The following CNTNAP2 variants were observed in gnomAD, a reference collection of about 807,000 sequenced individuals.
CNTNAP2 encodes the protein contactin associated protein 2, also known as contactin-associated protein-like 2.
Under a neutral mutation model 155.2 loss-of-function variants are expected in CNTNAP2, and 98 were observed. The observed-to-expected ratio is 0.63, with a 90% CI of 0.54 to 0.75. The LOEUF is 0.75. CNTNAP2 is among the 30% of genes least tolerant of loss of function. The pLI, the probability that CNTNAP2 is intolerant of heterozygous loss-of-function variation, is 0.00. For missense variants in CNTNAP2, 1,727 were observed against 1,688.1 expected, an observed-to-expected ratio of 1.02 and a Z score of -0.40; for synonymous variants, 651 against 631.2, an observed-to-expected ratio of 1.03 and a Z score of -0.47.
At chr7:147,225,885 AGG>A (rs1803524860) in intron 8 of CNTNAP2, among the ~76,000 whole-genome samples, 1 of 127,240 alleles carries the variant, frequency 7.9e-6, no homozygotes, top group Non-Finnish European at 1.8e-5. Context: ...GAAAGAAGGA[AGG>A]AAGGAAGGAA....
intron 12 of CNTNAP2, among the ~76,000 whole-genome samples, chr7:147,634,404 A>G (rs1051659582): frequency 2.6e-5 from 4 of 152,304 alleles, no homozygotes; most frequent in Admixed American, 2.0e-4. Context: ...CTAATCTATG[A>G]AGACATAAAA....
chr7:146,429,322 G>A (rs1467405610), intron 1 of CNTNAP2, among the ~76,000 whole-genome samples: 1 of 152,000 alleles, frequency 6.6e-6, no homozygotes, highest in Non-Finnish European at 1.5e-5. Context: ...ATTACTTTGG[G>A]CAGTATGGAC....
Position 146,229,285 on chromosome 7 carries a change from T to C in CNTNAP2, c.97+112312T>C, listed in dbSNP as rs1188459309. Reference sequence around the variant, plus strand: ...CACTAAGAACATTCTGTTTCAGTGGTATACAAACTTGTTTGTCCTTTTAAG... The same window carrying C: ...CACTAAGAACATTCTGTTTCAGTGGCATACAAACTTGTTTGTCCTTTTAAG... On this transcript the variant is annotated intron_variant, in intron 1 of 23. Transcript: ENST00000361727. 2.0e-5 allele frequency among the ~76,000 whole-genome samples: 3 copies of C among 152,316 alleles called. No homozygotes were observed. In the South Asian group the frequency reaches 6.2e-4, roughly 32 times the overall value.
intron 13 of CNTNAP2, among the ~76,000 whole-genome samples, chr7:147,789,204 G>A (rs1205737914): frequency 2.6e-5 from 4 of 152,208 alleles, no homozygotes; most frequent in Admixed American, 1.3e-4. Flanking sequence ...ACCACGCCCG[G>A]CCCAATAGAG....
chr7:147,873,741 A>G (rs953239706), intron 13 of CNTNAP2, among the ~76,000 whole-genome samples: 1 of 152,190 alleles, frequency 6.6e-6, no homozygotes, highest in Non-Finnish European at 1.5e-5. Flanking sequence ...AGCTCATTCC[A>G]GCATTAACTC....
At chr7:147,272,749 C>T (rs779943242) in intron 8 of CNTNAP2, among the ~76,000 whole-genome samples, 8 of 151,068 alleles carry the variant, frequency 5.3e-5, no homozygotes, top group Non-Finnish European at 8.9e-5. Context: ...CATCATGATC[C>T]ACCCGCCTTG....
intron 13 of CNTNAP2, among the ~76,000 whole-genome samples, chr7:147,873,137 T>G (rs959894400): frequency 6.6e-6 from 1 of 152,196 alleles, no homozygotes; most frequent in Non-Finnish European, 1.5e-5. Context: ...ACGCTCCAGC[T>G]TGGGATCAAG....
chr7:146,319,666 T>A (rs1800967302), intron 1 of CNTNAP2, among the ~76,000 whole-genome samples: 1 of 152,340 alleles, frequency 6.6e-6, no homozygotes, highest in East Asian at 1.9e-4. Context: ...CAAACATGAA[T>A]TGATTATTCT....
chr7:147,396,944 CA>C (rs1380847541), intron 10 of CNTNAP2, among the ~76,000 whole-genome samples: 2 of 151,868 alleles, frequency 1.3e-5, no homozygotes, highest in Admixed American at 1.3e-4. Context: ...GTATTTTATT[CA>C]AGAGGAAATA....
chr7:147,192,387 T>C (rs1435300650), intron 8 of CNTNAP2, among the ~76,000 whole-genome samples: 2 of 152,182 alleles, frequency 1.3e-5, no homozygotes, highest in Admixed American at 1.3e-4. Flanking sequence ...CCAAGGACTA[T>C]ACCCTCTTTC....
intron 16 of CNTNAP2, among the ~76,000 whole-genome samples, chr7:148,134,736 T>C (rs1804902510): frequency 1.3e-5 from 2 of 152,234 alleles, no homozygotes; most frequent in South Asian, 4.1e-4. Flanking sequence ...CACCAATCTT[T>C]GCCAGAGAAA....
At chr7:148,320,191 G>A (rs927961062) in intron 21 of CNTNAP2, among the ~76,000 whole-genome samples, 1 of 151,976 alleles carries the variant, frequency 6.6e-6, no homozygotes, top group Non-Finnish European at 1.5e-5. Flanking sequence ...TCCTGCCTGG[G>A]CCGTGTCACC....
chr7:147,395,856 C>T (rs1796804182), intron 10 of CNTNAP2, 76 bp downstream of exon 10: 1 of 1,535,536 alleles, frequency 6.5e-7, no homozygotes, highest in Non-Finnish European at 9.0e-7. Flanking sequence ...ACCAGTGAAA[C>T]ATCCCAAAAG....
intron 1 of CNTNAP2, among the ~76,000 whole-genome samples, chr7:146,311,282 A>G (rs2129090698): frequency 6.6e-6 from 1 of 152,288 alleles, no homozygotes; most frequent in South Asian, 2.1e-4. Flanking sequence ...TCTGTGACCC[A>G]AATCCAAGTC....
At chr7:147,076,452 A>G (rs930265053) in intron 4 of CNTNAP2, among the ~76,000 whole-genome samples, 1 of 152,150 alleles carries the variant, frequency 6.6e-6, no homozygotes, top group African/African-American at 2.4e-5. Context: ...GTCTGTTCAT[A>G]TCCTTTGCCC....
At chr7:146,342,976 G>T (rs1036047275) in intron 1 of CNTNAP2, among the ~76,000 whole-genome samples, 4 of 152,182 alleles carry the variant, frequency 2.6e-5, no homozygotes, top group Admixed American at 2.0e-4. Context: ...AACTGCACTG[G>T]AGTCATGAGC....
intron 16 of CNTNAP2, among the ~76,000 whole-genome samples, chr7:148,139,525 A>T (rs556147326): frequency 6.6e-6 from 1 of 152,162 alleles, no homozygotes; most frequent in African/African-American, 2.4e-5. Context: ...GGATTCAATC[A>T]CATACTTCTT....
At chr7:146,372,624 G>A (rs1292720268) in intron 1 of CNTNAP2, among the ~76,000 whole-genome samples, 3 of 152,084 alleles carry the variant, frequency 2.0e-5, no homozygotes, top group Admixed American at 6.6e-5. Context: ...AGTAAGAGGC[G>A]AGTAAGAAGG....
At chr7:147,063,962 C>T (rs1799732156) in intron 4 of CNTNAP2, among the ~76,000 whole-genome samples, 1 of 152,090 alleles carries the variant, frequency 6.6e-6, no homozygotes, top group Non-Finnish European at 1.5e-5. Context: ...AGAATTACAG[C>T]AGCTTTCGAG....
Sources: gnomAD v4.1 joint callset for allele counts (sites outside exome capture counted in the v4.1 genomes callset) on GRCh38, gnomAD v4.1.1 for gene constraint, MANE v1.5 for transcripts, NCBI Gene and HGNC (gene_info 2026-07-23, HGNC 2026-07-21) for gene names.